Variants in ACY3 observed in about 807,000 individuals in gnomAD.
The protein encoded by ACY3 is N-acyl-aromatic-L-amino acid amidohydrolase (carboxylate-forming).
ACY3 carries 20 observed loss-of-function variants against 24.6 expected under a neutral mutation model. The ratio of observed to expected loss-of-function variants is 0.81; its 90% confidence interval spans 0.57 to 1.18. The LOEUF is 1.18. ACY3 is among the 50% of genes most tolerant of loss of function. ACY3 has a pLI of 0.00. For synonymous variants in ACY3, 174 were observed against 188.4 expected (o/e 0.92, Z 0.62); for missense variants, 423 against 426.8 (o/e 0.99, Z 0.08).
chr11:67,649,730 A>C (rs551108628), intron 1 of ACY3, among the ~76,000 whole-genome samples: 5 of 126,538 alleles, frequency 4.0e-5, no homozygotes, highest in East Asian at 4.6e-4. Flanking sequence ...TGTGCATGAG[A>C]GCATGTGTGC....
chr11:67,648,846 G>A (rs1345277248), intron 1 of ACY3, among the ~76,000 whole-genome samples: 1 of 152,244 alleles, frequency 6.6e-6, no homozygotes, highest in Non-Finnish European at 1.5e-5. Context: ...CATCAGGGCA[G>A]CTGGGATCTT....
In ACY3 at chr11:67,645,154, TG is replaced by T. The variant is rs774516710; in HGVS notation, c.527-3del. 6.1e-5 allele frequency: 99 copies of T among 1,611,284 alleles called. No homozygotes were observed. Among genetic ancestry groups the T allele is most frequent in the Non-Finnish European group, 5.9e-6 (7 of 1,179,040 alleles). Reference sequence around the variant, plus strand: ...GTGGCTGGGGGCCCAGCTCCAGACCTGGGGACCAGGAAGCAAGGGGTTAGGC... The same window carrying T: ...GTGGCTGGGGGCCCAGCTCCAGACCTGGGACCAGGAAGCAAGGGGTTAGGC... On this transcript the variant is annotated splice_region_variant and splice_polypyrimidine_tract_variant and intron_variant, in intron 5 of 7. Coordinates refer to ENST00000255082, the MANE Select transcript of ACY3 (RefSeq NM_080658.2).
chr11:67,643,250 CCT>C (rs1455686251), intron 7 of ACY3, among the ~76,000 whole-genome samples: 1 of 152,248 alleles, frequency 6.6e-6, no homozygotes, highest in Non-Finnish European at 1.5e-5. Context: ...AGTCACTTAA[CCT>C]CTGTTTCTCA....
chr11:67,642,739 C>A lies in ACY3; in HGVS notation c.945G>T (p.Pro315=), dbSNP rs139551384. 5.6e-6 allele frequency: 9 copies of A among 1,613,902 alleles called. No individual in the cohort carries two copies. The African/African-American group carries it at 1.2e-4, about 22-fold the overall frequency. ...GTGTCTTGGGTTAGGAAGCTGGGCT[C>A]GGGGCAGGGGTCAGCGCGGGCATGG... ...VPAMPALTPA[P]SPAS The change falls in exon 8 of 8, where the codon CCG becomes CCT. Residue 315 remains proline, a synonymous_variant. Transcript: ENST00000255082.
Position 67,646,942 on chromosome 11 carries a change from C to A in ACY3, c.102G>T (p.Trp34Cys), listed in dbSNP as rs1855529260. 1.2e-6 allele frequency: 2 copies of A among 1,601,106 alleles called. No individual in the cohort carries two copies. Among genetic ancestry groups the A allele is most frequent in the Admixed American group, 1.7e-5 (1 of 58,320 alleles). ...TCTGCAGCTCTGCGGGGGCATGCAG[C>A]CAGTGCCGGGCCAGGTAGACGCCCG... is the stretch of plus-strand genomic sequence containing the variant. ...EMSGVYLARH[W>C]LHAPAELQRA... The change falls in exon 3 of 8, where the codon TGG (tryptophan) becomes TGT (cysteine). Residue 34 changes from tryptophan (W) to cysteine (C), a missense_variant. Physicochemically the swap from Trp to Cys is radical, Grantham distance 215. Coordinates refer to ENST00000255082, the MANE Select transcript of ACY3 (RefSeq NM_080658.2).
chr11:67,645,684 G>C lies in ACY3; in HGVS notation c.432+8C>G, dbSNP rs776481825. 3.8e-6 allele frequency: 6 copies of C among 1,590,168 alleles called. No homozygotes were observed. Among genetic ancestry groups the C allele is most frequent in the South Asian group, 1.1e-5 (1 of 86,990 alleles). ...TCTGGGGAGCTGTGTGCTTGGGGCC[G>C]GGGCCACCTGCAGATGGCGGCACAG... On this transcript the variant is annotated splice_region_variant and intron_variant, in intron 4 of 7. Coordinates refer to ENST00000255082, the MANE Select transcript of ACY3 (RefSeq NM_080658.2).
In ACY3 at chr11:67,642,671, T is replaced by C; in HGVS notation, c.*53A>G. 1.3e-6 allele frequency: 2 copies of C among 1,585,680 alleles called. No homozygotes were observed. The highest frequency in any genetic ancestry group is 1.7e-6 in the Non-Finnish European group (2 of 1,154,524). On this transcript the variant is annotated 3_prime_UTR_variant, in exon 8 of 8. Transcript: ENST00000255082. ...GGACCTCTGTGCTCAGAGCTGTGCCTCAGGACCCATCGTTCAGATGGGAAG... is the reference window on the plus strand; with the variant it reads ...GGACCTCTGTGCTCAGAGCTGTGCCCCAGGACCCATCGTTCAGATGGGAAG...
At chr11:67,649,142 G>A (rs1855569399) in intron 1 of ACY3, among the ~76,000 whole-genome samples, 1 of 152,184 alleles carries the variant, frequency 6.6e-6, no homozygotes, top group Non-Finnish European at 1.5e-5. Context: ...GTCAGCAGAG[G>A]AGCCTGTCGG....
rs780704607 is a variant in ACY3, at chr11:67,642,704, T to A, written c.*20A>T. On this transcript the variant is annotated 3_prime_UTR_variant, in exon 8 of 8. Transcript: ENST00000255082. ...CATCGTTCAGATGGGAAGACTGAGG[T>A]TGGGGAGGTGTGTCTTGGGTTAGGA... 10 of 1,612,092 alleles carry A rather than the reference T, an allele frequency of 6.2e-6. No homozygotes were observed. The South Asian group carries it at 7.7e-5, about 12-fold the overall frequency.
intron 1 of ACY3, among the ~76,000 whole-genome samples, chr11:67,649,866 G>A (rs1477772711): frequency 6.6e-6 from 1 of 151,380 alleles, no homozygotes; most frequent in African/African-American, 2.4e-5. Context: ...GAGAGTGTGT[G>A]TGCATGTGTG....
rs773292003 is a variant in ACY3, at chr11:67,642,879, C to T, written c.805G>A (p.Asp269Asn). 13 of 1,614,094 alleles carry T rather than the reference C, an allele frequency of 8.1e-6. No homozygotes were observed. The South Asian group carries it at 1.3e-4, about 16-fold the overall frequency. Reference protein sequence around the residue: ...APIFQMFSGEDLLYEGESTVY... With the variant: ...APIFQMFSGENLLYEGESTVY... ...GTGGACTCTCCCTCATAGAGCAGGT[C>T]CTCCCCACTGAACATCTGGAAGATG... Residue 269 changes from aspartate to asparagine, a missense_variant, in exon 8 of 8, where the codon GAC (aspartate) becomes AAC (asparagine). Coordinates refer to ENST00000255082, the MANE Select transcript of ACY3 (RefSeq NM_080658.2).
In ACY3 at chr11:67,644,747, C is replaced by T; in HGVS notation, c.744+13G>A. 6.5e-7 allele frequency: 1 copy of T among 1,548,510 alleles called. No homozygotes were observed. Among genetic ancestry groups the T allele is most frequent in the Middle Eastern group, 1.9e-4 (1 of 5,242 alleles). On this transcript the variant is annotated intron_variant, in intron 7 of 7. Transcript: ENST00000255082. Reference sequence around the variant, plus strand: ...TCACCCCCCACCACACACACACACACACACACACACACCTGCAGCTGAGGA... The same window carrying T: ...TCACCCCCCACCACACACACACACATACACACACACACCTGCAGCTGAGGA...
chr11:67,645,655 C>G, intron 4 of ACY3, 37 bp downstream of exon 4: 1 of 1,555,262 alleles, frequency 6.4e-7, no homozygotes, highest in South Asian at 1.2e-5. Flanking sequence ...CCCTCCCACT[C>G]CCCTCTGGGG....
At chr11:67,646,241 A>T (rs567040635) in intron 3 of ACY3, among the ~76,000 whole-genome samples, 3 of 152,174 alleles carry the variant, frequency 2.0e-5, no homozygotes, top group Admixed American at 6.5e-5. Flanking sequence ...TCCCCTGGCT[A>T]GCTTTTAGTC....
At position 67,650,606 on chromosome 11, in the gene ACY3, G is replaced by A. The variant is rs1855609532; in HGVS notation, c.-118C>T. 1 of 152,182 alleles carries A rather than the reference G, an allele frequency of 6.6e-6. No individual in the cohort carries two copies. The highest frequency in any genetic ancestry group is 2.1e-4 in the South Asian group (1 of 4,834). 9.4% of individuals were successfully genotyped at this position (152,182 alleles called of 1,614,324 possible). On this transcript the variant is annotated 5_prime_UTR_variant, in exon 1 of 8. Coordinates refer to ENST00000255082, the MANE Select transcript of ACY3 (RefSeq NM_080658.2). ...ACCCACGTGGCCCCAGAGGGTTGAG[G>A]GTGACTCCCGGGGATCTTCTGCTTG...
chr11:67,643,749 C>T (rs756055394), intron 7 of ACY3, among the ~76,000 whole-genome samples: 14 of 151,836 alleles, frequency 9.2e-5, no homozygotes, highest in Non-Finnish European at 1.8e-4. Context: ...AATCTCAGCA[C>T]TTTGGGAGGC....
rs753685871 is a variant in ACY3 at position 67,646,872 on chromosome 11, TGG to T, written c.170_171del (p.Ala57AspfsTer11). The T allele has an allele frequency of 6.2e-7, 1 of 1,612,600 alleles. No homozygotes were observed. The highest frequency in any genetic ancestry group is 8.5e-7 in the Non-Finnish European group (1 of 1,179,832). On this transcript the variant is annotated frameshift_variant, in exon 3 of 8. Coordinates refer to ENST00000255082, the MANE Select transcript of ACY3 (RefSeq NM_080658.2). LOFTEE classifies it high-confidence loss of function. The part of the protein sequence containing the change: ...SAVPVLANPA[A>X]TSGCRRYVDH... ...TCCACGTAGCGGCGGCAGCCGGATG[TGG>T]CTGCCGGGTTGGCCAGCACAGGCAC...
Position 67,642,676 on chromosome 11 carries a change from A to AC in ACY3, c.*47dup. 1 of 1,576,436 alleles carries AC rather than the reference A, an allele frequency of 6.3e-7. No individual in the cohort carries two copies. Among genetic ancestry groups the AC allele is most frequent in the East Asian group, 2.2e-5 (1 of 44,698 alleles). On this transcript the variant is annotated 3_prime_UTR_variant, in exon 8 of 8. Transcript: ENST00000255082. ...TCTGTGCTCAGAGCTGTGCCTCAGG[A>AC]CCCATCGTTCAGATGGGAAGACTGA...
In ACY3 at chr11:67,647,070, G is replaced by T. The variant is rs776620014; in HGVS notation, c.-20-7C>A. The T allele has an allele frequency of 6.8e-7, 1 of 1,477,308 alleles. No individual in the cohort carries two copies. Among genetic ancestry groups the T allele is most frequent in the South Asian group, 1.3e-5 (1 of 77,254 alleles). The allele number at this position is 1,477,308 out of a possible 1,614,324, so 91.5% of individuals were successfully genotyped here. On this transcript the variant is annotated splice_region_variant and splice_polypyrimidine_tract_variant and intron_variant, in intron 2 of 7. Coordinates refer to ENST00000255082, the MANE Select transcript of ACY3 (RefSeq NM_080658.2). Reference sequence around the variant, plus strand: ...CTGGTGTGGGGTGCAGAACCTGGGGGTGGGCATACTTAGGAGACCCTGGCC... The same window carrying T: ...CTGGTGTGGGGTGCAGAACCTGGGGTTGGGCATACTTAGGAGACCCTGGCC...
Sources: allele counts gnomAD v4.1 joint callset (sites outside exome capture counted in the v4.1 genomes callset), GRCh38; gene constraint gnomAD v4.1.1; transcripts MANE v1.5; gene names NCBI Gene and HGNC (gene_info 2026-07-23, HGNC 2026-07-21).